The following PRKN variants were observed in gnomAD, a reference collection of about 807,000 sequenced individuals.
PRKN encodes the protein parkin RBR E3 ubiquitin protein ligase, also known as E3 ubiquitin-protein ligase parkin.
In PRKN, 56 loss-of-function variants were observed where a neutral mutation model predicts 59.5. That is an observed-to-expected ratio of 0.94 (90% CI 0.76 to 1.18). The LOEUF (loss-of-function observed/expected upper bound fraction) is 1.18. Ranked by LOEUF, PRKN falls within the 50% of genes most tolerant of loss-of-function variation. PRKN has a pLI of 0.00. For synonymous variants in PRKN, 250 were observed against 222.1 expected (o/e 1.13, Z -1.12); for missense variants, 657 against 596.4 (o/e 1.10, Z -1.06).
At chr6:161,901,082 A>G (rs1777900126) in intron 6 of PRKN, among the ~76,000 whole-genome samples, 2 of 151,124 alleles carry the variant, frequency 1.3e-5, no homozygotes, top group Admixed American at 1.3e-4. Context: ...CGCCCGGCTA[A>G]TTTTTTTGTA....
chr6:162,063,131 T>C (rs940217555), intron 4 of PRKN, among the ~76,000 whole-genome samples: 1 of 152,156 alleles, frequency 6.6e-6, no homozygotes, highest in Non-Finnish European at 1.5e-5. Flanking sequence ...TGAATTTCAA[T>C]GAACATTAGA....
chr6:162,104,813 A>T (rs114635695), intron 4 of PRKN, among the ~76,000 whole-genome samples: 2,100 of 152,326 alleles, frequency 0.014, 53 homozygotes, highest in African/African-American at 0.047. Flanking sequence ...AGATATTTTT[A>T]AAGTAAATGC....
chr6:161,376,371 C>T lies in PRKN; in HGVS notation c.1167+10423G>A, dbSNP rs1277792684. 2.0e-5 allele frequency among the ~76,000 whole-genome samples: 3 copies of T among 152,198 alleles called. No individual in the cohort carries two copies. Among genetic ancestry groups the T allele is most frequent in the Non-Finnish European group, 2.9e-5 (2 of 68,034 alleles). On this transcript the variant is annotated intron_variant, in intron 10 of 11. Transcript: ENST00000366898. This position sits in a 1 kb window ranked among gnomAD's most constrained non-coding sequence, Gnocchi z 7.3. Reference sequence around the variant, plus strand: ...TGTCCACAATGAATGTGTGTCTCCCCGAACAACCTGCTTTTGTTTCTGTCT... The same window carrying T: ...TGTCCACAATGAATGTGTGTCTCCCTGAACAACCTGCTTTTGTTTCTGTCT...
intron 1 of PRKN, among the ~76,000 whole-genome samples, chr6:162,602,124 G>C (rs1363824392): frequency 1.3e-5 from 2 of 150,486 alleles, no homozygotes; most frequent in Non-Finnish European, 3.0e-5. Flanking sequence ...TGGTGCCCAG[G>C]GAGCGTGCAG....
chr6:161,350,143 C>T lies in PRKN; in HGVS notation c.1354G>A (p.Glu452Lys), dbSNP rs755354082. The T allele has an allele frequency of 2.5e-6, 4 of 1,613,492 alleles. No homozygotes were observed. Among genetic ancestry groups the T allele is most frequent in the East Asian group, 4.5e-5 (2 of 44,856 alleles). Reference sequence around the variant, plus strand: ...TCCCCCATGCAGACGCGGTTCCACTCGCAGCCACAGTTCCAGCACCACTCG... The same window carrying T: ...TCCCCCATGCAGACGCGGTTCCACTTGCAGCCACAGTTCCAGCACCACTCG... ...RLEWCWNCGC[E>K]WNRVCMGDHW... The change falls in exon 12 of 12, where the codon GAG (glutamate) becomes AAG (lysine). Residue 452 changes from glutamate (E) to lysine (K), a missense_variant. Glu to Lys is a moderately conservative substitution (Grantham distance 56). Transcript: ENST00000366898.
intron 6 of PRKN, among the ~76,000 whole-genome samples, chr6:161,853,367 G>T (rs1793514926): frequency 6.6e-6 from 1 of 152,130 alleles, no homozygotes; most frequent in South Asian, 2.1e-4. Context: ...TGCGGCTACA[G>T]TTTCAATAAA....
chr6:161,356,721 G>A lies in PRKN; in HGVS notation c.1285+3367C>T, dbSNP rs1216512317. ...GAACTGGGCGGTGCTGTTGACTGAG[G>A]TGGGGTGCACCCTAGAGGAAAAGGT... is the stretch of plus-strand genomic sequence containing the variant. On this transcript the variant is annotated intron_variant, in intron 11 of 11. Transcript: ENST00000366898. This position sits in a 1 kb window ranked among gnomAD's most constrained non-coding sequence, Gnocchi z 7.8. Among the ~76,000 whole-genome samples the A allele has an allele frequency of 6.6e-6, 1 of 152,132 alleles. No individual in the cohort carries two copies. The highest frequency in any genetic ancestry group is 1.9e-4 in the East Asian group (1 of 5,180).
intron 2 of PRKN, among the ~76,000 whole-genome samples, chr6:162,422,906 A>G (rs1282186412): frequency 1.4e-5 from 2 of 139,622 alleles, no homozygotes; most frequent in Non-Finnish European, 3.0e-5. Flanking sequence ...AGATCGCGCC[A>G]CTGCGCTCCA....
chr6:162,452,796 G>C, intron 1 of PRKN, among the ~76,000 whole-genome samples: 1 of 130,020 alleles, frequency 7.7e-6, no homozygotes, highest in East Asian at 2.9e-4. Context: ...AAAAGGCAGG[G>C]ACTACGTGGA....
chr6:161,571,420 G>C (rs770457381), intron 7 of PRKN, among the ~76,000 whole-genome samples: 3 of 152,216 alleles, frequency 2.0e-5, no homozygotes, highest in Non-Finnish European at 4.4e-5. Context: ...TGATGTGAGA[G>C]TGGTCAGAAG....
chr6:161,912,176 TAAA>T (rs59096059), intron 6 of PRKN, among the ~76,000 whole-genome samples: 5 of 125,784 alleles, frequency 4.0e-5, no homozygotes, highest in African/African-American at 5.7e-5. Flanking sequence ...GAATCTGTCC[TAAA>T]AAAAAAAAAA....
In PRKN at chr6:161,561,865, G is replaced by T. The variant is rs74855687; in HGVS notation, c.933+7490C>A. On this transcript the variant is annotated intron_variant, in intron 8 of 11. Coordinates refer to ENST00000366898, the MANE Select transcript of PRKN (RefSeq NM_004562.3). The surrounding 1 kb of genome is among the most constrained non-coding windows in gnomAD (Gnocchi z 5.0). ...CTAGAAGGAATTATCCTCCCCTTCT[G>T]TTCACTCTTCATCCCATAAAACTCT... 1.3e-5 allele frequency among the ~76,000 whole-genome samples: 2 copies of T among 152,068 alleles called. No individual in the cohort carries two copies. Among genetic ancestry groups the T allele is most frequent in the East Asian group, 3.9e-4 (2 of 5,184 alleles).
chr6:161,384,670 GT>G (rs1449894065), intron 10 of PRKN, among the ~76,000 whole-genome samples: 4 of 152,234 alleles, frequency 2.6e-5, no homozygotes, highest in Non-Finnish European at 5.9e-5. Flanking sequence ...ACACAGTCTG[GT>G]TGAAGAGGTT....
chr6:162,597,672 A>G (rs1180764483), intron 1 of PRKN, among the ~76,000 whole-genome samples: 1 of 152,138 alleles, frequency 6.6e-6, no homozygotes, highest in Non-Finnish European at 1.5e-5. Flanking sequence ...CTCCCAACAG[A>G]CATAGATTGA....
intron 6 of PRKN, among the ~76,000 whole-genome samples, chr6:161,823,952 C>T (rs1792139292): frequency 6.6e-6 from 1 of 152,204 alleles, no homozygotes; most frequent in South Asian, 2.1e-4. Flanking sequence ...GTAGAAATCC[C>T]CCTGTGTCAG....
In PRKN at chr6:161,546,703, C is replaced by T. The variant is rs1779807377; in HGVS notation, c.1083+2151G>A. The stretch of plus-strand genomic sequence containing the variant: ...CAACTCCCTTCCCTTTGAGAGTGAG[C>T]TGGATCTAGTATCTCACTTCTAATG... On this transcript the variant is annotated intron_variant, in intron 9 of 11. Transcript: ENST00000366898. This position sits in a 1 kb window ranked among gnomAD's most constrained non-coding sequence, Gnocchi z 4.4. Among the ~76,000 whole-genome samples, 2 of 151,964 alleles carry T rather than the reference C, an allele frequency of 1.3e-5. No individual in the cohort carries two copies. Among genetic ancestry groups the T allele is most frequent in the Non-Finnish European group, 2.9e-5 (2 of 68,008 alleles).
At chr6:162,175,700 G>A (rs1783500084) in intron 4 of PRKN, among the ~76,000 whole-genome samples, 1 of 152,142 alleles carries the variant, frequency 6.6e-6, no homozygotes, top group Non-Finnish European at 1.5e-5. Flanking sequence ...GAAGTGGGGT[G>A]TCAGGGTGGT....
intron 1 of PRKN, among the ~76,000 whole-genome samples, chr6:162,663,963 G>A (rs1215248058): frequency 6.6e-6 from 1 of 151,480 alleles, no homozygotes; most frequent in South Asian, 2.1e-4. Flanking sequence ...AGAACATGCA[G>A]GTATACACGT....
At chr6:162,547,086 A>C (rs1225751363) in intron 1 of PRKN, among the ~76,000 whole-genome samples, 1 of 152,106 alleles carries the variant, frequency 6.6e-6, no homozygotes, top group Admixed American at 6.6e-5. Context: ...ACAACATTCA[A>C]CTGGTAGCAT....
Sources: allele counts gnomAD v4.1 joint callset (sites outside exome capture counted in the v4.1 genomes callset), GRCh38; gene constraint gnomAD v4.1.1; non-coding constraint Gnocchi (gnomAD v3.1); transcripts MANE v1.5; gene names NCBI Gene and HGNC (gene_info 2026-07-23, HGNC 2026-07-21).